Variants in CD300A observed in about 807,000 individuals in gnomAD.
CD300A encodes CMRF35-like molecule 8.
In CD300A, 22 loss-of-function variants were observed where a neutral mutation model predicts 33.6. The observed-to-expected ratio is 0.66, with a 90% CI of 0.47 to 0.94. CD300A has a LOEUF of 0.94. CD300A is among the 40% of genes least tolerant of loss of function. The pLI, the probability that CD300A is intolerant of heterozygous loss-of-function variation, is 0.00. For synonymous variants in CD300A, 136 were observed against 148.1 expected, an observed-to-expected ratio of 0.92 and a Z score of 0.59; for missense variants, 326 against 360.5, an observed-to-expected ratio of 0.90 and a Z score of 0.77.
chr17:74,483,857 G>A, intron 6 of CD300A, 144 bp from the exon 7 acceptor site: 1 of 830,312 alleles, frequency 1.2e-6, no homozygotes, highest in Non-Finnish European at 1.9e-6. Context: ...CAGGATCATA[G>A]AGAAAAAGAG....
At chr17:74,471,927 A>T (rs954911925) in intron 1 of CD300A, among the ~76,000 whole-genome samples, 9 of 152,134 alleles carry the variant, frequency 5.9e-5, no homozygotes, top group Non-Finnish European at 1.0e-4. Flanking sequence ...GAGATTTAGC[A>T]TCTGAAACAG....
chr17:74,484,250 C>A lies in CD300A; in HGVS notation c.*124C>A. 2 of 1,081,416 alleles carry A rather than the reference C, an allele frequency of 1.8e-6. No individual in the cohort carries two copies. Among genetic ancestry groups the A allele is most frequent in the Non-Finnish European group, 1.3e-6 (1 of 759,250 alleles). The allele number at this position is 1,081,416 out of a possible 1,614,324, so 67.0% of individuals were successfully genotyped here. A position where few individuals can be genotyped will look rare whatever the true frequency, so the allele number is the denominator to read the frequency against. ...ACAACAGTGACCAACAGACAGGCAG[C>A]TGGGTTTCCCAGGCCATCCCTCTGT... is the stretch of plus-strand genomic sequence containing the variant. On this transcript the variant is annotated 3_prime_UTR_variant, in exon 7 of 7. Coordinates refer to ENST00000360141, the MANE Select transcript of CD300A (RefSeq NM_007261.4).
chr17:74,469,192 G>A (rs950162597), intron 1 of CD300A, among the ~76,000 whole-genome samples: 1 of 151,704 alleles, frequency 6.6e-6, no homozygotes, highest in Non-Finnish European at 1.5e-5. Context: ...GGAAGGGAAA[G>A]AATTTCTTAA....
chr17:74,471,169 C>T (rs909424528), intron 1 of CD300A, among the ~76,000 whole-genome samples: 3 of 152,208 alleles, frequency 2.0e-5, no homozygotes, highest in Non-Finnish European at 4.4e-5. Flanking sequence ...GCTCCATTTA[C>T]TTATTAAGTA....
intron 1 of CD300A, among the ~76,000 whole-genome samples, chr17:74,471,886 A>G (rs1245366084): frequency 1.3e-5 from 2 of 152,152 alleles, no homozygotes; most frequent in African/African-American, 2.4e-5. Flanking sequence ...AGGTATAAGA[A>G]GGAGACCCCT....
intron 1 of CD300A, among the ~76,000 whole-genome samples, chr17:74,468,608 C>T (rs1366396982): frequency 2.0e-5 from 3 of 152,214 alleles, no homozygotes; most frequent in Non-Finnish European, 1.5e-5. Flanking sequence ...GCAGGGATTA[C>T]AGGCATGAAC....
chr17:74,482,598 G>T (rs115681396), intron 6 of CD300A, among the ~76,000 whole-genome samples: 6,960 of 150,676 alleles, frequency 0.046, 316 homozygotes, highest in African/African-American at 0.11. Context: ...TAGCCGCACC[G>T]TTCCCCAACC....
chr17:74,477,321 G>A, intron 3 of CD300A, 115 bp from the exon 4 acceptor site: 2 of 675,142 alleles, frequency 3.0e-6, no homozygotes, highest in Non-Finnish European at 4.9e-6. Context: ...CTGCACTCCA[G>A]CCTGGGTAAC....
At chr17:74,468,468 G>C (rs1219633639) in intron 1 of CD300A, among the ~76,000 whole-genome samples, 4 of 151,930 alleles carry the variant, frequency 2.6e-5, no homozygotes, top group African/African-American at 7.3e-5. Flanking sequence ...CAGTAGCTGA[G>C]ACTACAGGTG....
chr17:74,472,479 A>T (rs1218504578), intron 1 of CD300A, among the ~76,000 whole-genome samples: 1 of 152,206 alleles, frequency 6.6e-6, no homozygotes, highest in African/African-American at 2.4e-5. Context: ...TCTGATAATT[A>T]TTTGGGAAAA....
In CD300A at chr17:74,484,458, G is replaced by A. The variant is rs9901722; in HGVS notation, c.*332G>A. The A allele has an allele frequency of 1.6e-3, 316 of 198,054 alleles. 1 individual carries two copies. Among genetic ancestry groups the A allele is most frequent in the African/African-American group, 7.0e-3 (303 of 43,270 alleles). The allele number at this position is 198,054 out of a possible 1,614,324, so 12.3% of individuals were successfully genotyped here. A position where few individuals can be genotyped will look rare whatever the true frequency, so the allele number is the denominator to read the frequency against. ...GGCTCCAGGAAAAGATGTGGCTCAC[G>A]TAGGTGGCACCTGCCAATAGCTTTG... On this transcript the variant is annotated 3_prime_UTR_variant, in exon 7 of 7. Transcript: ENST00000360141.
chr17:74,466,893 C>T (rs111396972), intron 1 of CD300A, 150 bp downstream of exon 1: 1 of 1,491,432 alleles, frequency 6.7e-7, no homozygotes, highest in Non-Finnish European at 8.9e-7. Flanking sequence ...ATAAGATGGA[C>T]AGATGAAGGT....
intron 4 of CD300A, among the ~76,000 whole-genome samples, chr17:74,479,099 A>C (rs1321204722): frequency 1.3e-5 from 2 of 152,154 alleles, no homozygotes; most frequent in Admixed American, 6.5e-5. Context: ...AATGAGCAAA[A>C]GCACAAAGAA....
At chr17:74,477,224 G>A (rs9915495) in intron 3 of CD300A, among the ~76,000 whole-genome samples, 81,954 of 151,712 alleles carry the variant, frequency 0.54, 24,581 homozygotes, top group African/African-American at 0.79. Flanking sequence ...AAAATTAGCC[G>A]TGGTGGCCTG....
rs1271256931 is a variant in CD300A, at chr17:74,484,109, GT to G, written c.884del (p.Val295GlyfsTer2). On this transcript the variant is annotated frameshift_variant, in exon 7 of 7. Transcript: ENST00000360141. LOFTEE classifies it high-confidence loss of function. ...GGAGGAACCAGATTCAGATTACAGT[GT>G]GATAAGGAAGACATAGGCTTTTGTC... ...REEEPDSDYS[V>X]IRKT The G allele has an allele frequency of 1.2e-6, 2 of 1,613,914 alleles. No individual in the cohort carries two copies. Among genetic ancestry groups the G allele is most frequent in the South Asian group, 2.2e-5 (2 of 91,078 alleles).
At chr17:74,471,298 C>T (rs949058405) in intron 1 of CD300A, among the ~76,000 whole-genome samples, 3 of 152,172 alleles carry the variant, frequency 2.0e-5, no homozygotes, top group African/African-American at 7.2e-5. Flanking sequence ...CTTTCTTCAT[C>T]TATGGTCCTT....
At chr17:74,481,648 G>A (rs773689226) in intron 5 of CD300A, 78 bp from the exon 6 acceptor site, 1 of 1,013,356 alleles carries the variant, frequency 9.9e-7, no homozygotes, top group Admixed American at 2.0e-5. Context: ...ATAGAGGAAG[G>A]GGAGACACAT....
intron 1 of CD300A, among the ~76,000 whole-genome samples, chr17:74,467,209 G>T (rs1905776598): frequency 7.5e-6 from 1 of 132,528 alleles, no homozygotes; most frequent in Non-Finnish European, 1.6e-5. Flanking sequence ...TAGGTGCAGG[G>T]TACGGAGGAG....
At chr17:74,475,302 C>T (rs554954352) in intron 3 of CD300A, among the ~76,000 whole-genome samples, 1 of 152,306 alleles carries the variant, frequency 6.6e-6, no homozygotes, top group Admixed American at 6.5e-5. Context: ...CTGGGTCCCT[C>T]CCACAACACG....
Sources: gnomAD v4.1 joint callset for allele counts (sites outside exome capture counted in the v4.1 genomes callset) on GRCh38, gnomAD v4.1.1 for gene constraint, MANE v1.5 for transcripts, NCBI Gene and HGNC (gene_info 2026-07-23, HGNC 2026-07-21) for gene names.